UBQLN1: variants seen among roughly 807,000 people sequenced by gnomAD.
The protein encoded by UBQLN1 is ubiquilin-1.
Under a neutral mutation model 65.4 loss-of-function variants are expected in UBQLN1, and 13 were observed. The observed-to-expected ratio is 0.20, with a 90% CI of 0.13 to 0.32. The LOEUF is 0.32. Ranked by LOEUF, UBQLN1 falls within the 10% of genes least tolerant of loss-of-function variation. UBQLN1 has a pLI of 1.00. For synonymous variants in UBQLN1, 267 were observed against 247.8 expected (o/e 1.08, Z -0.73); for missense variants, 561 against 724.0 (o/e 0.77, Z 2.58).
chr9:83,685,746 C>G (rs994143203), intron 2 of UBQLN1, among the ~76,000 whole-genome samples: 4 of 152,108 alleles, frequency 2.6e-5, no homozygotes, highest in African/African-American at 9.7e-5. Flanking sequence ...AAAAACTTGC[C>G]TGTTCTAATG....
At chr9:83,668,698 A>C in intron 7 of UBQLN1, 3 of 919,304 alleles carry the variant, frequency 3.3e-6, no homozygotes, top group Non-Finnish European at 3.9e-6. Context: ...CAGCAGGGGA[A>C]TCAATAGTTG....
In UBQLN1 at chr9:83,673,565, A is replaced by AC. The variant is rs1554727504; in HGVS notation, c.1105+4161_1105+4162insG. Among the ~76,000 whole-genome samples, 24 of 43,418 alleles carry AC rather than the reference A, an allele frequency of 5.5e-4. No individual in the cohort carries two copies. In the East Asian group the frequency reaches 0.013, roughly 24 times the overall value. 28.5% of individuals were successfully genotyped at this position (43,418 alleles called of 152,430 possible). A position where few individuals can be genotyped will look rare whatever the true frequency, so the allele number is the denominator to read the frequency against. ...GTCTTTTAAAAAAAAAAAAAAAAAA[A>AC]AACAAAAAAAAAAAACTGCGCTTAC... is the stretch of plus-strand genomic sequence containing the variant. On this transcript the variant is annotated intron_variant, in intron 6 of 10. Transcript: ENST00000376395.
intron 1 of UBQLN1, among the ~76,000 whole-genome samples, chr9:83,696,471 A>C: frequency 6.6e-6 from 1 of 152,142 alleles, no homozygotes; most frequent in South Asian, 2.1e-4. Flanking sequence ...AAATTTTAAA[A>C]AAAAACCCAA....
chr9:83,663,792 T>G (rs1831599692), intron 10 of UBQLN1, 83 bp downstream of exon 10: 1 of 1,467,164 alleles, frequency 6.8e-7, no homozygotes, highest in Non-Finnish European at 9.2e-7. Context: ...GCTTTCCTTT[T>G]TTCTCCCTTT....
rs1472082163 is a variant in UBQLN1, at chr9:83,682,951, C to G, written c.448G>C (p.Gly150Arg). ...GSATSNPFGL[G>R]GLGGLAGLSS... ...TACTGGAATGACTAAAGACACTTAC[C>G]TAAACCAAAAGGGTTGCTAGTAGCA... Residue 150 changes from glycine (G) to arginine (R), a missense_variant and splice_region_variant, in exon 3 of 11, where the codon GGT becomes CGT. This residue lies in a region of UBQLN1 where 87 missense variants were observed against 88.8 expected (regional missense o/e 0.98). Transcript: ENST00000376395. 1 of 1,598,390 alleles carries G rather than the reference C, an allele frequency of 6.3e-7. No homozygotes were observed. Among genetic ancestry groups the G allele is most frequent in the Non-Finnish European group, 8.6e-7 (1 of 1,168,308 alleles).
intron 1 of UBQLN1, among the ~76,000 whole-genome samples, chr9:83,704,428 T>C (rs1022305035): frequency 1.3e-5 from 2 of 152,244 alleles, no homozygotes; most frequent in African/African-American, 4.8e-5. Flanking sequence ...AGCGTCAATT[T>C]TTATCACATT....
intron 9 of UBQLN1, 95 bp downstream of exon 9, chr9:83,664,935 A>AG: frequency 2.5e-6 from 2 of 793,584 alleles, no homozygotes; most frequent in East Asian, 7.0e-5. Flanking sequence ...AAAAAAAAAA[A>AG]AAAAAAAAAA....
At chr9:83,697,349 A>G (rs1327695472) in intron 1 of UBQLN1, among the ~76,000 whole-genome samples, 2 of 150,896 alleles carry the variant, frequency 1.3e-5, no homozygotes, top group Non-Finnish European at 3.0e-5. Flanking sequence ...TCAGGAGTCC[A>G]AGACCAGTCT....
At chr9:83,678,178 C>T (rs971058806) in intron 5 of UBQLN1, among the ~76,000 whole-genome samples, 3 of 151,934 alleles carry the variant, frequency 2.0e-5, no homozygotes, top group East Asian at 1.9e-4. Flanking sequence ...CCCACCACCA[C>T]GCCCAGCTAA....
intron 1 of UBQLN1, among the ~76,000 whole-genome samples, chr9:83,690,409 AG>A (rs1832107620): frequency 6.6e-6 from 1 of 152,164 alleles, no homozygotes; most frequent in South Asian, 2.1e-4. Context: ...GCCCAAAGTG[AG>A]AATAGTGGTT....
At chr9:83,667,988 G>A (rs957699998) in intron 7 of UBQLN1, 76 of 985,282 alleles carry the variant, frequency 7.7e-5, no homozygotes, top group African/African-American at 1.0e-4. Context: ...AAATTGCTAC[G>A]CATGTGCTTG....
intron 2 of UBQLN1, among the ~76,000 whole-genome samples, chr9:83,685,614 T>C (rs1355314697): frequency 7.4e-6 from 1 of 135,578 alleles, no homozygotes; most frequent in African/African-American, 3.0e-5. Flanking sequence ...ACTCTGTCTC[T>C]TAAAAAAAAA....
chr9:83,706,262 T>C (rs1216008634), intron 1 of UBQLN1, among the ~76,000 whole-genome samples: 1 of 152,226 alleles, frequency 6.6e-6, no homozygotes, highest in Non-Finnish European at 1.5e-5. Flanking sequence ...TGATAATCGA[T>C]TATAATACCG....
intron 6 of UBQLN1, among the ~76,000 whole-genome samples, chr9:83,674,822 G>C (rs1235090762): frequency 3.3e-5 from 5 of 152,120 alleles, no homozygotes; most frequent in African/African-American, 1.2e-4. Context: ...AGTCTGAATG[G>C]AACAACCAGG....
intron 4 of UBQLN1, among the ~76,000 whole-genome samples, chr9:83,679,463 C>CA (rs1473681287): frequency 1.3e-5 from 2 of 152,122 alleles, no homozygotes; most frequent in Admixed American, 6.5e-5. Context: ...TATTTCACCT[C>CA]AAAAAAGCAA....
chr9:83,663,878 A>G lies in UBQLN1; in HGVS notation c.1614T>C (p.Pro538=). 1 of 1,612,672 alleles carries G rather than the reference A, an allele frequency of 6.2e-7. No homozygotes were observed. The highest frequency in any genetic ancestry group is 8.5e-7 in the Non-Finnish European group (1 of 1,179,494). Residue 538 remains proline (P), a synonymous_variant, in exon 10 of 11, where the codon CCT becomes CCC. Coordinates refer to ENST00000376395, the MANE Select transcript of UBQLN1 (RefSeq NM_013438.5). ...QMLQALAGVN[P]QLQNPEVRFQ... is the part of the protein sequence containing the mutation. ...TTGAATGGAAAAGAACTGATACCTG[A>G]GGATTTACTCCAGCAAGAGCCTGCA...
Position 83,679,925 on chromosome 9 carries a change from G to C in UBQLN1, c.561C>G (p.Val187=), listed in dbSNP as rs780915688. The stretch of plus-strand genomic sequence containing the variant: ...GAACAAAGGGATTTTCCATGATCTG[G>C]ACCATCATTTCAGGGTTAGACAAAA... ...RQLLSNPEMM[V]QIMENPFVQS... is the part of the protein sequence containing the mutation. The change falls in exon 4 of 11, where the codon GTC becomes GTG. Residue 187 remains valine, a synonymous_variant. Transcript: ENST00000376395. 2 of 1,614,124 alleles carry C rather than the reference G, an allele frequency of 1.2e-6. No individual in the cohort carries two copies. Among genetic ancestry groups the C allele is most frequent in the Admixed American group, 3.3e-5 (2 of 60,022 alleles).
chr9:83,707,752 C>T lies in UBQLN1; in HGVS notation c.-73G>A. 1 of 1,479,914 alleles carries T rather than the reference C, an allele frequency of 6.8e-7. No homozygotes were observed. Among genetic ancestry groups the T allele is most frequent in the Non-Finnish European group, 8.9e-7 (1 of 1,126,078 alleles). The allele number at this position is 1,479,914 out of a possible 1,614,324, so 91.7% of individuals were successfully genotyped here. ...AGGCGAGCAAGGAGGAGCCAGCAGA[C>T]ACCAGAGCCGGCAGGCCTGGACAGC... is the stretch of plus-strand genomic sequence containing the variant. On this transcript the variant is annotated 5_prime_UTR_variant, in exon 1 of 11. Transcript: ENST00000376395.
Position 83,660,488 on chromosome 9 carries a change from G to A in UBQLN1, c.*1299C>T, listed in dbSNP as rs1218627574. 1.3e-5 allele frequency: 2 copies of A among 152,516 alleles called. No homozygotes were observed. The highest frequency in any genetic ancestry group is 2.4e-5 in the African/African-American group (1 of 41,396). The allele number at this position is 152,516 out of a possible 1,614,324, so 9.4% of individuals were successfully genotyped here. A position where few individuals can be genotyped will look rare whatever the true frequency, so the allele number is the denominator to read the frequency against. On this transcript the variant is annotated 3_prime_UTR_variant, in exon 11 of 11. Transcript: ENST00000376395. Reference sequence around the variant, plus strand: ...AGTTAGGCAAACAGAATTCTTTGGGGGAGGGAAGAAAAAGGCTATAAAACA... The same window carrying A: ...AGTTAGGCAAACAGAATTCTTTGGGAGAGGGAAGAAAAAGGCTATAAAACA...
Sources: allele counts gnomAD v4.1 joint callset (sites outside exome capture counted in the v4.1 genomes callset), GRCh38; gene constraint gnomAD v4.1.1; regional missense constraint gnomAD v4.1.1; transcripts MANE v1.5; gene names NCBI Gene and HGNC (gene_info 2026-07-23, HGNC 2026-07-21).